The following CCNY variants were observed in gnomAD, a reference collection of about 807,000 sequenced individuals.
CCNY encodes cyclin-Y.
A neutral mutation model predicts 42.8 loss-of-function variants in CCNY; 19 were observed. That is an observed-to-expected ratio of 0.44 (90% CI 0.31 to 0.65). CCNY has a LOEUF of 0.65. Among genes scored for constraint, CCNY ranks in the 30% least tolerant of loss-of-function variants. CCNY has a pLI of 0.07. For synonymous variants in CCNY, 165 were observed against 162.7 expected, an observed-to-expected ratio of 1.01 and a Z score of -0.11; for missense variants, 370 against 437.3, an observed-to-expected ratio of 0.85 and a Z score of 1.37.
intron 3 of CCNY, chr10:35,327,600 C>T (rs1835895064): frequency 6.6e-6 from 1 of 152,162 alleles, no homozygotes; most frequent in South Asian, 2.1e-4. Context: ...CCTTCTGCTA[C>T]TGTATTTGCA....
At chr10:35,545,065 C>G (rs1407543293) in intron 7 of CCNY, among the ~76,000 whole-genome samples, 1 of 152,216 alleles carries the variant, frequency 6.6e-6, no homozygotes. Flanking sequence ...CACAACATGA[C>G]TAATCCTTGC....
At chr10:35,513,411 A>G (rs1460208665) in intron 3 of CCNY, among the ~76,000 whole-genome samples, 1 of 152,160 alleles carries the variant, frequency 6.6e-6, no homozygotes, top group Non-Finnish European at 1.5e-5. Context: ...ATCCTTTGCA[A>G]GTAAAACATT....
intron 3 of CCNY, among the ~76,000 whole-genome samples, chr10:35,515,413 C>CA (rs1343632616): frequency 6.6e-6 from 1 of 152,176 alleles, no homozygotes; most frequent in Non-Finnish European, 1.5e-5. Flanking sequence ...GACTGCCTCA[C>CA]ATTTTCCTTA....
chr10:35,474,208 G>A (rs1258436713), intron 1 of CCNY, among the ~76,000 whole-genome samples: 2 of 152,192 alleles, frequency 1.3e-5, no homozygotes, highest in South Asian at 2.1e-4. Context: ...AGGCGGCAGC[G>A]AGGCTTGGGG....
At chr10:35,549,273 C>G (rs1841190678) in intron 7 of CCNY, among the ~76,000 whole-genome samples, 2 of 152,306 alleles carry the variant, frequency 1.3e-5, no homozygotes, top group Admixed American at 1.3e-4. Context: ...CCCTCTCACT[C>G]TGACTGTGGT....
intron 3 of CCNY, among the ~76,000 whole-genome samples, chr10:35,253,971 G>T (rs1190932316): frequency 6.6e-6 from 1 of 151,280 alleles, no homozygotes; most frequent in African/African-American, 2.4e-5. Flanking sequence ...TGCCTCCCGG[G>T]TTCACGCCAT....
chr10:35,434,106 T>C (rs1227137679), intron 1 of CCNY: 1 of 152,246 alleles, frequency 6.6e-6, no homozygotes, highest in Non-Finnish European at 1.5e-5. Flanking sequence ...TAATTTATTC[T>C]CTTTAGGGTA....
At chr10:35,292,843 T>A (rs1165356065) in intron 3 of CCNY, among the ~76,000 whole-genome samples, 1 of 147,954 alleles carries the variant, frequency 6.8e-6, no homozygotes, top group East Asian at 2.0e-4. Context: ...TGGAGTGCGA[T>A]GGAGCGATCT....
At chr10:35,318,226 C>CTAAATAAATAAA (rs550041080) in intron 3 of CCNY, among the ~76,000 whole-genome samples, 25 of 151,052 alleles carry the variant, frequency 1.7e-4, no homozygotes, top group African/African-American at 6.1e-4. Context: ...GACCCTATTT[C>CTAAATAAATAAA]TAAATAAATA....
chr10:35,331,410 T>A (rs1818183965), intron 3 of CCNY, among the ~76,000 whole-genome samples: 1 of 152,220 alleles, frequency 6.6e-6, no homozygotes, highest in South Asian at 2.1e-4. Flanking sequence ...GGCCATTTAG[T>A]CTGGGGACAA....
chr10:35,397,002 G>T (rs1837540559), intron 1 of CCNY, among the ~76,000 whole-genome samples: 1 of 152,194 alleles, frequency 6.6e-6, no homozygotes, highest in African/African-American at 2.4e-5. Flanking sequence ...CTGGGGGCTG[G>T]CTCAGAGGGA....
chr10:35,340,597 C>T (rs371687792), intron 1 of CCNY, among the ~76,000 whole-genome samples: 5 of 151,814 alleles, frequency 3.3e-5, no homozygotes, highest in South Asian at 4.2e-4. Context: ...CTCCACCTCC[C>T]GGGTTCAAGC....
At chr10:35,439,763 C>G (rs914658659) in intron 1 of CCNY, among the ~76,000 whole-genome samples, 2 of 150,800 alleles carry the variant, frequency 1.3e-5, no homozygotes, top group African/African-American at 4.9e-5. Context: ...TTTAAACCTT[C>G]TGTTTTAGTT....
intron 1 of CCNY, among the ~76,000 whole-genome samples, chr10:35,395,048 C>T (rs1837494206): frequency 6.9e-6 from 1 of 144,578 alleles, no homozygotes; most frequent in African/African-American, 2.6e-5. Context: ...TATGAAGCAG[C>T]CTTGTTTGCT....
chr10:35,287,231 A>G (rs987038537), intron 3 of CCNY, among the ~76,000 whole-genome samples: 4 of 152,214 alleles, frequency 2.6e-5, no homozygotes, highest in African/African-American at 9.6e-5. Context: ...TCAAAAGGGG[A>G]GAAAGCCTAA....
intron 3 of CCNY, among the ~76,000 whole-genome samples, chr10:35,317,003 G>A (rs1421722924): frequency 1.3e-5 from 2 of 152,054 alleles, no homozygotes; most frequent in Admixed American, 6.6e-5. Context: ...CCGCCACCAC[G>A]CCCGGCTAAT....
chr10:35,435,093 A>G (rs1838499698), intron 1 of CCNY, among the ~76,000 whole-genome samples: 1 of 152,222 alleles, frequency 6.6e-6, no homozygotes. Context: ...GAGTTGAGGC[A>G]TCAACATGTG....
intron 3 of CCNY, among the ~76,000 whole-genome samples, chr10:35,331,243 C>G (rs1284577482): frequency 2.6e-5 from 4 of 152,234 alleles, no homozygotes; most frequent in Non-Finnish European, 4.4e-5. Context: ...TCTCTCACTT[C>G]CAACTTATGC....
chr10:35,365,876 A>G (rs1836798022), intron 1 of CCNY, among the ~76,000 whole-genome samples: 1 of 152,248 alleles, frequency 6.6e-6, no homozygotes, highest in Non-Finnish European at 1.5e-5. Context: ...GACTAACTCT[A>G]CAGCTACAAA....
Sources: gnomAD v4.1 joint callset for allele counts (sites outside exome capture counted in the v4.1 genomes callset) on GRCh38, gnomAD v4.1.1 for gene constraint, MANE v1.5 for transcripts, NCBI Gene and HGNC (gene_info 2026-07-23, HGNC 2026-07-21) for gene names.